Variants in ABHD18 observed in about 807,000 individuals in gnomAD.
ABHD18 encodes the protein cardiolipin-specific deacylase, mitochondrial.
Under a neutral mutation model 65.9 loss-of-function variants are expected in ABHD18, and 55 were observed. The ratio of observed to expected loss-of-function variants is 0.84; its 90% CI spans 0.67 to 1.05. The LOEUF (loss-of-function observed/expected upper bound fraction) is 1.05, where lower values mean the gene tolerates loss of function less well. ABHD18 is among the 50% of genes least tolerant of loss of function. ABHD18 has a pLI of 0.00. For synonymous variants in ABHD18, 181 were observed against 180.2 expected, an observed-to-expected ratio of 1.00 and a Z score of -0.04; for missense variants, 533 against 558.5, an observed-to-expected ratio of 0.95 and a Z score of 0.46.
At chr4:128,021,085 G>T in intron 9 of ABHD18, 52 bp from the exon 10 acceptor site, 1 of 1,069,294 alleles carries the variant, frequency 9.4e-7, no homozygotes, top group Non-Finnish European at 1.4e-6. Flanking sequence ...TAAAAGTATT[G>T]GGCAAATTGC....
chr4:128,005,866 TTTA>T (rs1438646550), intron 4 of ABHD18, among the ~76,000 whole-genome samples: 9 of 152,218 alleles, frequency 5.9e-5, no homozygotes, highest in African/African-American at 2.2e-4. Flanking sequence ...TTGTCTCTGC[TTTA>T]TGCCCTATGT....
At position 128,020,215 on chromosome 4, in the gene ABHD18, G is replaced by A. The variant is rs1379948182; in HGVS notation, c.699+46G>A. The stretch of plus-strand genomic sequence containing the variant: ...ATTAGGTAGCTATATATAATTAGAG[G>A]TAATTGTTTTGGGGGGGTCCCCAAA... On this transcript the variant is annotated intron_variant, in intron 9 of 12. Transcript: ENST00000645843. The A allele has an allele frequency of 2.7e-6, 4 of 1,489,894 alleles. No homozygotes were observed. In the African/African-American group the frequency reaches 5.6e-5, roughly 21 times the overall value. The allele number at this position is 1,489,894 out of a possible 1,614,324, so 92.3% of individuals were successfully genotyped here. A position where few individuals can be genotyped will look rare whatever the true frequency, so the allele number is the denominator to read the frequency against.
chr4:128,020,787 A>C (rs1400482714), intron 9 of ABHD18, among the ~76,000 whole-genome samples: 1 of 152,158 alleles, frequency 6.6e-6, no homozygotes, highest in African/African-American at 2.4e-5. Flanking sequence ...TAATCCCAGC[A>C]CTTTGGGAGG....
intron 12 of ABHD18, among the ~76,000 whole-genome samples, chr4:128,032,687 C>T (rs1758378997): frequency 6.6e-6 from 1 of 152,048 alleles, no homozygotes; most frequent in Admixed American, 6.6e-5. Context: ...GCTGAGATCG[C>T]ACCACTACAT....
chr4:128,013,861 G>T (rs529119348), intron 7 of ABHD18, among the ~76,000 whole-genome samples: 1 of 152,054 alleles, frequency 6.6e-6, no homozygotes. Flanking sequence ...ATGAAAGTAG[G>T]ATGGGGTGGA....
chr4:128,009,218 C>T, intron 6 of ABHD18, 27 bp downstream of exon 6: 3 of 1,333,144 alleles, frequency 2.3e-6, no homozygotes, highest in Non-Finnish European at 2.9e-6. Flanking sequence ...TCTAAGAAAT[C>T]TTTTGCCTTG....
At chr4:128,021,742 A>C (rs1430931865) in intron 10 of ABHD18, among the ~76,000 whole-genome samples, 4 of 152,186 alleles carry the variant, frequency 2.6e-5, no homozygotes, top group Admixed American at 2.6e-4. Context: ...CATTTATTAA[A>C]AGGCAAACAC....
chr4:128,028,835 C>A lies in ABHD18; in HGVS notation c.1162C>A (p.His388Asn). 6.4e-7 allele frequency: 1 copy of A among 1,553,420 alleles called. No homozygotes were observed. The change falls in exon 11 of 13, where the codon CAT becomes AAT. Residue 388 changes from histidine to asparagine, a missense_variant. Around this residue, in one of 3 missense-constraint regions of ABHD18, gnomAD observed 220 missense variants for 226.8 expected, o/e 0.97. Transcript: ENST00000645843. ...GAAAGGAGTCATGGATGAATGTACT[C>A]ATGTAGCAAATTTCTCAGGTACTAA... Reference protein sequence around the residue: ...FMKGVMDECTHVANFSVPVDP... With the variant: ...FMKGVMDECTNVANFSVPVDP...
chr4:128,019,070 A>G (rs569299121), intron 8 of ABHD18, among the ~76,000 whole-genome samples: 1 of 152,180 alleles, frequency 6.6e-6, no homozygotes, highest in South Asian at 2.1e-4. Context: ...CAAAAGATGG[A>G]AAAGGATTTA....
At chr4:127,977,485 T>A (rs984500153) in intron 1 of ABHD18, among the ~76,000 whole-genome samples, 2 of 151,992 alleles carry the variant, frequency 1.3e-5, no homozygotes, top group Non-Finnish European at 2.9e-5. Context: ...AAAATAAAAA[T>A]AAAAAATAAA....
chr4:127,999,722 T>A (rs893600747), intron 4 of ABHD18, among the ~76,000 whole-genome samples: 3 of 152,254 alleles, frequency 2.0e-5, no homozygotes, highest in Admixed American at 1.3e-4. Context: ...AATATTTTTC[T>A]CACATTCTGT....
rs1759061978 is a variant in ABHD18, at chr4:128,038,412, ATACT to A, written c.*2601_*2604del. ...TTGAACAATGGTTTTAGTAAAACAA[ATACT>A]TTATTATTGTTCACATAAACATTTC... On this transcript the variant is annotated 3_prime_UTR_variant, in exon 13 of 13. Coordinates refer to ENST00000645843, the MANE Select transcript of ABHD18 (RefSeq NM_001358451.3). The A allele has an allele frequency of 6.6e-6, 1 of 152,232 alleles. No homozygotes were observed. The highest frequency in any genetic ancestry group is 1.5e-5 in the Non-Finnish European group (1 of 68,036). The allele number at this position is 152,232 out of a possible 1,614,324, so 9.4% of individuals were successfully genotyped here. A position where few individuals can be genotyped will look rare whatever the true frequency, so the allele number is the denominator to read the frequency against.
intron 4 of ABHD18, among the ~76,000 whole-genome samples, chr4:127,996,651 A>G (rs1486340177): frequency 3.3e-5 from 5 of 152,134 alleles, no homozygotes; most frequent in African/African-American, 9.7e-5. Context: ...GAATTTCCCA[A>G]TCCTAGTAAA....
chr4:128,016,626 T>G (rs985986139), intron 7 of ABHD18, among the ~76,000 whole-genome samples: 10 of 150,762 alleles, frequency 6.6e-5, no homozygotes, highest in African/African-American at 2.2e-4. Context: ...AATACAAAAA[T>G]TAGCCAGGCG....
chr4:127,997,069 G>C (rs759890986), intron 4 of ABHD18, among the ~76,000 whole-genome samples: 1 of 152,196 alleles, frequency 6.6e-6, no homozygotes, highest in Non-Finnish European at 1.5e-5. Context: ...ACAGGCATAA[G>C]AAATTATAAG....
chr4:127,982,856 A>G (rs889283736), intron 1 of ABHD18, 83 bp from the exon 2 acceptor site: 10 of 655,774 alleles, frequency 1.5e-5, no homozygotes, highest in Admixed American at 3.4e-5. Context: ...TTTACATGAT[A>G]GTCAAAGAAA....
At chr4:127,992,406 C>G (rs1040985451) in intron 4 of ABHD18, among the ~76,000 whole-genome samples, 4 of 151,700 alleles carry the variant, frequency 2.6e-5, no homozygotes, top group African/African-American at 9.7e-5. Flanking sequence ...ACCTGGGAGG[C>G]CGAGGTTGCA....
intron 10 of ABHD18, among the ~76,000 whole-genome samples, chr4:128,023,939 G>T (rs1366694544): frequency 6.6e-6 from 1 of 152,124 alleles, no homozygotes; most frequent in African/African-American, 2.4e-5. Context: ...ATAATCAGAA[G>T]AATACCTGTA....
chr4:128,038,034 A>T lies in ABHD18; in HGVS notation c.*2221A>T, dbSNP rs1027714605. 2.0e-5 allele frequency: 3 copies of T among 152,176 alleles called. No homozygotes were observed. Among genetic ancestry groups the T allele is most frequent in the Non-Finnish European group, 2.9e-5 (2 of 68,034 alleles). The allele number at this position is 152,176 out of a possible 1,614,324, so 9.4% of individuals were successfully genotyped here. ...AATAGGGATTCTTAGTCTACTAACGATATTTGAATTATAATGTGCCTTTGC... is the reference window on the plus strand; with the variant it reads ...AATAGGGATTCTTAGTCTACTAACGTTATTTGAATTATAATGTGCCTTTGC... On this transcript the variant is annotated 3_prime_UTR_variant, in exon 13 of 13. Coordinates refer to ENST00000645843, the MANE Select transcript of ABHD18 (RefSeq NM_001358451.3).
Sources: allele counts gnomAD v4.1 joint callset (sites outside exome capture counted in the v4.1 genomes callset), GRCh38; gene constraint gnomAD v4.1.1; regional missense constraint gnomAD v4.1.1; transcripts MANE v1.5; gene names NCBI Gene and HGNC (gene_info 2026-07-23, HGNC 2026-07-21).